Variants in MYOM1 observed in about 807,000 individuals in gnomAD.
MYOM1 encodes myomesin-1.
Under a neutral mutation model 205.3 loss-of-function variants are expected in MYOM1, and 164 were observed. The ratio of observed to expected loss-of-function variants is 0.80; its 90% confidence interval spans 0.70 to 0.91. The LOEUF (loss-of-function observed/expected upper bound fraction) is 0.91. Ranked by LOEUF, MYOM1 falls within the 40% of genes least tolerant of loss-of-function variation. MYOM1 has a pLI of 0.00. For missense variants in MYOM1, 2,011 were observed against 2,127.3 expected (o/e 0.95, Z 1.08); for synonymous variants, 772 against 789.4 (o/e 0.98, Z 0.37).
the MYOM1 span, among the ~76,000 whole-genome samples, chr18:3,225,593 G>T: frequency 1.3e-5 from 2 of 152,174 alleles, no homozygotes. Context: ...CAGAACAAAG[G>T]CTTGGCACCT....
intron 22 of MYOM1, among the ~76,000 whole-genome samples, chr18:3,111,674 A>G (rs1487180898): frequency 6.6e-6 from 1 of 152,220 alleles, no homozygotes; most frequent in Non-Finnish European, 1.5e-5. Context: ...ATAACGCATC[A>G]CATTATATAA....
intron 33 of MYOM1, among the ~76,000 whole-genome samples, chr18:3,082,672 G>A (rs1033245575): frequency 6.6e-6 from 1 of 152,104 alleles, no homozygotes; most frequent in African/African-American, 2.4e-5. Flanking sequence ...CCAGGCCTCC[G>A]TTCTCTTTCA....
rs1170257259 is a variant in MYOM1, at chr18:3,083,994, T to G, written c.4373A>C (p.Lys1458Thr). The G allele has an allele frequency of 6.3e-7, 1 of 1,588,912 alleles. No individual in the cohort carries two copies. The highest frequency in any genetic ancestry group is 1.8e-5 in the Admixed American group (1 of 56,148). The change falls in exon 32 of 38, where the codon AAA becomes ACA. Residue 1458 changes from lysine to threonine, a missense_variant. Physicochemically the swap from Lys to Thr is moderately conservative, Grantham distance 78. Coordinates refer to ENST00000356443, the MANE Select transcript of MYOM1 (RefSeq NM_003803.4). ...GTGCGAAATGTTTGACTCACCTATT[T>G]TTTTGCATACTTCCATCATCAGTTC... ...FKELMMEVCK[K>T]IALSATDLKI...
upstream of MYOM1, among the ~76,000 whole-genome samples, chr18:3,224,028 A>ATTT (rs550455569): frequency 1.4e-5 from 2 of 138,656 alleles, no homozygotes; most frequent in African/African-American, 2.7e-5. Context: ...CTAACATTAG[A>ATTT]TTTTTTTTTT....
chr18:3,126,619 G>A, intron 19 of MYOM1, 82 bp downstream of exon 19: 1 of 1,265,718 alleles, frequency 7.9e-7, no homozygotes. Context: ...CTCTTACAAG[G>A]TGCTGGGTGT....
intron 5 of MYOM1, among the ~76,000 whole-genome samples, chr18:3,180,147 T>A (rs1381509978): frequency 2.0e-5 from 3 of 152,160 alleles, no homozygotes; most frequent in Non-Finnish European, 2.9e-5. Context: ...AATGAATTTT[T>A]AAAAATAAAA....
At chr18:3,153,950 T>C (rs1184414092) in intron 11 of MYOM1, among the ~76,000 whole-genome samples, 2 of 152,230 alleles carry the variant, frequency 1.3e-5, no homozygotes, top group Admixed American at 6.5e-5. Flanking sequence ...ATAATTAATG[T>C]GTAAAGCCCA....
At chr18:3,227,833 T>C in the MYOM1 span, among the ~76,000 whole-genome samples, 2 of 152,086 alleles carry the variant, frequency 1.3e-5, no homozygotes, top group Non-Finnish European at 2.9e-5. Flanking sequence ...AATTAATTAA[T>C]TTTTAAAAAG....
intron 9 of MYOM1, among the ~76,000 whole-genome samples, chr18:3,168,346 T>C (rs1385118151): frequency 6.6e-6 from 1 of 152,114 alleles, no homozygotes; most frequent in Non-Finnish European, 1.5e-5. Flanking sequence ...CGGAGTGCAA[T>C]GGCGCCATCT....
the MYOM1 span, among the ~76,000 whole-genome samples, chr18:3,229,636 T>C: frequency 1.3e-5 from 2 of 152,152 alleles, no homozygotes; most frequent in African/African-American, 2.4e-5. Flanking sequence ...CCCATCAATA[T>C]TGGAATGGTT....
At chr18:3,116,060 T>G (rs538295819) in intron 21 of MYOM1, among the ~76,000 whole-genome samples, 78 of 152,208 alleles carry the variant, frequency 5.1e-4, no homozygotes, top group African/African-American at 1.8e-3. Flanking sequence ...AAATGTGTAG[T>G]GGGTAAGTTG....
rs541600662 is a variant in MYOM1, at chr18:3,181,338, TGA to T, written c.930-5206_930-5205del. Among the ~76,000 whole-genome samples, 24 of 150,918 alleles carry T rather than the reference TGA, an allele frequency of 1.6e-4. 1 individual carries two copies. Among genetic ancestry groups the T allele is most frequent in the Admixed American group, 1.1e-3 (17 of 15,140 alleles). ...ACTTTAAAAACTATCTGAGAGAGAT[TGA>T]GAGAGAGAGAGAGATCCCATTGGGA... On this transcript the variant is annotated intron_variant, in intron 5 of 37. Coordinates refer to ENST00000356443, the MANE Select transcript of MYOM1 (RefSeq NM_003803.4).
chr18:3,182,218 C>T (rs1208599017), intron 5 of MYOM1, among the ~76,000 whole-genome samples: 2 of 147,692 alleles, frequency 1.4e-5, no homozygotes, highest in Non-Finnish European at 3.0e-5. Flanking sequence ...TTTCCATGGA[C>T]AAATTCAATC....
Position 3,188,842 on chromosome 18 carries a change from G to A in MYOM1, c.677C>T (p.Ala226Val). The change falls in exon 4 of 38, where the codon GCC (alanine) becomes GTC (valine). Residue 226 changes from alanine to valine, a missense_variant. Transcript: ENST00000356443. ...TTCTTCCTGTTGAAGAGCGGATGTG[G>A]CCTGTTTGGAAACCACAGACTGCCT... ...ASRQSVVSKQ[A>V]TSALQQEETS... The A allele has an allele frequency of 6.2e-7, 1 of 1,613,530 alleles. No individual in the cohort carries two copies. The highest frequency in any genetic ancestry group is 1.1e-5 in the South Asian group (1 of 91,050).
the MYOM1 span, among the ~76,000 whole-genome samples, chr18:3,239,914 T>G: frequency 6.6e-6 from 1 of 152,088 alleles, no homozygotes; most frequent in Non-Finnish European, 1.5e-5. Context: ...GGACAAAGAA[T>G]TCATATATTT....
intron 37 of MYOM1, 21 bp from the exon 38 acceptor site, chr18:3,067,576 G>A (rs769143672): frequency 6.2e-7 from 1 of 1,601,238 alleles, no homozygotes; most frequent in South Asian, 1.1e-5. Flanking sequence ...GGTTTTATGG[G>A]AGAGAAGAAG....
At chr18:3,131,933 G>T (rs1453301989) in intron 16 of MYOM1, among the ~76,000 whole-genome samples, 1 of 150,942 alleles carries the variant, frequency 6.6e-6, no homozygotes, top group South Asian at 2.1e-4. Flanking sequence ...TCATGTAGAG[G>T]TTAGTTATAA....
intron 26 of MYOM1, among the ~76,000 whole-genome samples, chr18:3,093,046 A>G (rs187274524): frequency 3.3e-5 from 5 of 152,282 alleles, no homozygotes; most frequent in Admixed American, 3.3e-4. Flanking sequence ...TTGAAAGTGG[A>G]GAGGAGACGG....
At chr18:3,201,387 T>C (rs2081065159) in intron 2 of MYOM1, among the ~76,000 whole-genome samples, 1 of 149,842 alleles carries the variant, frequency 6.7e-6, no homozygotes, top group Admixed American at 6.7e-5. Flanking sequence ...GGCGACAGAG[T>C]GAGACTCCGT....
Sources: gnomAD v4.1 joint callset for allele counts (sites outside exome capture counted in the v4.1 genomes callset) on GRCh38, gnomAD v4.1.1 for gene constraint, MANE v1.5 for transcripts, NCBI Gene and HGNC (gene_info 2026-07-23, HGNC 2026-07-21) for gene names.